HSPG2: variants seen among roughly 807,000 people sequenced by gnomAD.
The protein encoded by HSPG2 is basement membrane-specific heparan sulfate proteoglycan core protein.
A neutral mutation model predicts 526.6 loss-of-function variants in HSPG2; 278 were observed. That is an observed-to-expected ratio of 0.53 (90% CI 0.48 to 0.58). The LOEUF (loss-of-function observed/expected upper bound fraction) is 0.58, where lower values mean the gene tolerates loss of function less well. Among genes scored for constraint, HSPG2 ranks in the 20% least tolerant of loss-of-function variants. The pLI is 0.00. For missense variants in HSPG2, 5,354 were observed against 6,099.5 expected (o/e 0.88, Z 4.07); for synonymous variants, 2,465 against 2,555.4 (o/e 0.96, Z 1.07).
At chr1:21,834,059 A>T in intron 77 of HSPG2, 134 bp from the exon 78 acceptor site, 1 of 741,426 alleles carries the variant, frequency 1.3e-6, no homozygotes, top group East Asian at 2.7e-5. Flanking sequence ...AGATGAGGAA[A>T]TTATGGCTCA....
chr1:21,865,732 G>A lies in HSPG2; in HGVS notation c.4299C>T (p.Pro1433=), dbSNP rs768475262. The A allele has an allele frequency of 2.5e-5, 40 of 1,613,394 alleles. No homozygotes were observed. The highest frequency in any genetic ancestry group is 2.4e-4 in the East Asian group (11 of 44,898). Residue 1433 remains proline (P), a synonymous_variant, in exon 34 of 97, where the codon CCC becomes CCT. Transcript: ENST00000374695. The surrounding 1 kb of genome is among the most constrained non-coding windows in gnomAD (Gnocchi z 5.4). ...AAATGCTCACCGTGATCTGCACATC[G>A]GGGTCAGAGAGTGGGCTGCCCTGTG... ...AGPQGSPLSD[P]DVQITGNNIM... is the part of the protein sequence containing the mutation.
chr1:21,833,812 T>C lies in HSPG2; in HGVS notation c.10830+4A>G. 6.3e-7 allele frequency: 1 copy of C among 1,585,596 alleles called. No homozygotes were observed. The highest frequency in any genetic ancestry group is 1.1e-5 in the South Asian group (1 of 87,108). On this transcript the variant is annotated splice_donor_region_variant and intron_variant, in intron 78 of 96. Transcript: ENST00000374695. ...TGCCCGCTGGTTCCCTCTCCAGCAC[T>C]TACCTTGCTCCAGCTGATGTCAGGA...
chr1:21,828,026 G>A lies in HSPG2; in HGVS notation c.12532+4C>T, dbSNP rs762689360. On this transcript the variant is annotated splice_donor_region_variant and intron_variant, in intron 90 of 96. Coordinates refer to ENST00000374695, the MANE Select transcript of HSPG2 (RefSeq NM_005529.7). This position sits in a 1 kb window ranked among gnomAD's most constrained non-coding sequence, Gnocchi z 6.0. ...TGAAGTGGAGAGAAGCCAGGCCTGGGTACCTTGTTGGCAGCGTGGGCCAGA... is the reference window on the plus strand; with the variant it reads ...TGAAGTGGAGAGAAGCCAGGCCTGGATACCTTGTTGGCAGCGTGGGCCAGA... 1 of 1,613,628 alleles carries A rather than the reference G, an allele frequency of 6.2e-7. No individual in the cohort carries two copies. Among genetic ancestry groups the A allele is most frequent in the Non-Finnish European group, 8.5e-7 (1 of 1,179,988 alleles).
intron 74 of HSPG2, 136 bp from the exon 75 acceptor site, chr1:21,837,142 A>G: frequency 1.2e-6 from 1 of 805,796 alleles, no homozygotes; most frequent in South Asian, 1.5e-5. Context: ...GGGAAAAAAG[A>G]CCGTTCAGTG....
At chr1:21,905,085 T>C (rs1298917399) in intron 1 of HSPG2, among the ~76,000 whole-genome samples, 2 of 152,022 alleles carry the variant, frequency 1.3e-5, no homozygotes, top group African/African-American at 4.8e-5. Context: ...CCACGACTCC[T>C]GACTCACCAA....
At chr1:21,854,552 C>T (rs1050394175) in intron 49 of HSPG2, 59 bp downstream of exon 49, 30 of 1,514,342 alleles carry the variant, frequency 2.0e-5, no homozygotes, top group African/African-American at 8.3e-5. Flanking sequence ...GTACAGGCCC[C>T]GCCTCCGCCA....
rs374249479 is a variant in HSPG2 at position 21,831,263 on chromosome 1, C to G, written c.11514G>C (p.Thr3838=). The G allele has an allele frequency of 5.6e-6, 9 of 1,613,876 alleles. No individual in the cohort carries two copies. Among genetic ancestry groups the G allele is most frequent in the Non-Finnish European group, 7.6e-6 (9 of 1,179,986 alleles). ...TGGGGCAGTGGGAGATGCCGTGCGCCGTGAGGTTGAGGTCATGGAAGACGA... is the reference window on the plus strand; with the variant it reads ...TGGGGCAGTGGGAGATGCCGTGCGCGGTGAGGTTGAGGTCATGGAAGACGA... ...EEIVFHDLNL[T]AHGISHCPTC... The change falls in exon 84 of 97, where the codon ACG becomes ACC. Residue 3838 remains threonine (T), a synonymous_variant. Transcript: ENST00000374695.
In HSPG2 at chr1:21,898,153, G is replaced by A. The variant is rs1339332257; in HGVS notation, c.64-1843C>T. 6.6e-6 allele frequency among the ~76,000 whole-genome samples: 1 copy of A among 152,178 alleles called. No homozygotes were observed. The highest frequency in any genetic ancestry group is 1.5e-5 in the Non-Finnish European group (1 of 68,044). On this transcript the variant is annotated intron_variant, in intron 1 of 96. Coordinates refer to ENST00000374695, the MANE Select transcript of HSPG2 (RefSeq NM_005529.7). The surrounding 1 kb of genome is among the most constrained non-coding windows in gnomAD (Gnocchi z 4.0). ...TGTGAAGATGACTTGCTTTGGGGAG[G>A]CACTACCTACCTCTGTGCAATCTAT... is the stretch of plus-strand genomic sequence containing the variant.
At chr1:21,884,456 TC>T (rs1641725500) in intron 13 of HSPG2, 71 bp downstream of exon 13, 1 of 1,590,340 alleles carries the variant, frequency 6.3e-7, no homozygotes, top group East Asian at 2.2e-5. Flanking sequence ...TCCGCATCTA[TC>T]CTCTGTGCCC....
intron 80 of HSPG2, 80 bp from the exon 81 acceptor site, chr1:21,832,686 C>T: frequency 1.9e-6 from 2 of 1,043,198 alleles, no homozygotes; most frequent in South Asian, 1.3e-5. Flanking sequence ...ACCACCCAAG[C>T]TCTTGAGCCT....
In HSPG2 at chr1:21,865,842, G is replaced by C. The variant is rs763160914; in HGVS notation, c.4222-33C>G. Reference sequence around the variant, plus strand: ...GAGGCAAGCCCAGAGGTCACAGGCTGACCTTGGGGTGTGAGTGTTGGACCA... The same window carrying C: ...GAGGCAAGCCCAGAGGTCACAGGCTCACCTTGGGGTGTGAGTGTTGGACCA... On this transcript the variant is annotated intron_variant, in intron 33 of 96. Coordinates refer to ENST00000374695, the MANE Select transcript of HSPG2 (RefSeq NM_005529.7). This position sits in a 1 kb window ranked among gnomAD's most constrained non-coding sequence, Gnocchi z 5.4. 3.2e-6 allele frequency: 5 copies of C among 1,549,486 alleles called. No homozygotes were observed. Among genetic ancestry groups the C allele is most frequent in the Non-Finnish European group, 4.5e-6 (5 of 1,122,260 alleles).
At chr1:21,888,331 C>T (rs1223448073) in intron 6 of HSPG2, among the ~76,000 whole-genome samples, 1 of 152,254 alleles carries the variant, frequency 6.6e-6, no homozygotes, top group East Asian at 1.9e-4. Context: ...CCACACCACA[C>T]ACATGCAGGC....
chr1:21,830,950 G>A (rs2098001150), intron 85 of HSPG2, 32 bp downstream of exon 85: 3 of 1,455,022 alleles, frequency 2.1e-6, no homozygotes, highest in South Asian at 1.2e-5. Context: ...GCAGGCCCTG[G>A]GGCGACAGCG....
intron 1 of HSPG2, among the ~76,000 whole-genome samples, chr1:21,911,047 G>A (rs1262354041): frequency 6.6e-6 from 1 of 152,184 alleles, no homozygotes; most frequent in Non-Finnish European, 1.5e-5. Context: ...ACTGGGTGGG[G>A]AGCCAGGAGC....
intron 28 of HSPG2, 84 bp downstream of exon 28, chr1:21,874,322 C>T: frequency 6.4e-7 from 1 of 1,566,386 alleles, no homozygotes. Flanking sequence ...CACTGCCTCT[C>T]AGAAGGGCCC....
intron 1 of HSPG2, among the ~76,000 whole-genome samples, chr1:21,919,909 C>A (rs1038502379): frequency 2.6e-5 from 4 of 152,040 alleles, no homozygotes; most frequent in African/African-American, 4.8e-5. Flanking sequence ...GGGACTGGAA[C>A]TGTTTTTTCT....
Position 21,872,206 on chromosome 1 carries a change from C to A in HSPG2, c.4201G>T (p.Glu1401Ter). The A allele has an allele frequency of 9.7e-6, 15 of 1,551,818 alleles. No individual in the cohort carries two copies. Among genetic ancestry groups the A allele is most frequent in the Non-Finnish European group, 1.3e-5 (15 of 1,147,066 alleles). ...GHESFYWQLPETYQGDKVAAY... is the reference protein window; with the variant it reads ...GHESFYWQLP ...CCCACCTTGTCTCCCTGGTATGTCTCCGGCAGCTGCCAGTAGAAGGACTCA... is the reference window on the plus strand; with the variant it reads ...CCCACCTTGTCTCCCTGGTATGTCTACGGCAGCTGCCAGTAGAAGGACTCA... The change falls in exon 33 of 97, where the codon GAG becomes TAG. Residue 1401 changes from glutamate (E) to a stop codon, truncating the protein, a stop_gained. Coordinates refer to ENST00000374695, the MANE Select transcript of HSPG2 (RefSeq NM_005529.7). LOFTEE classifies it high-confidence loss of function. The surrounding 1 kb of genome is among the most constrained non-coding windows in gnomAD (Gnocchi z 5.5).
Position 21,859,562 on chromosome 1 carries a change from T to A in HSPG2, c.5293+4A>T. On this transcript the variant is annotated splice_donor_region_variant and intron_variant, in intron 42 of 96. Coordinates refer to ENST00000374695, the MANE Select transcript of HSPG2 (RefSeq NM_005529.7). This position sits in a 1 kb window ranked among gnomAD's most constrained non-coding sequence, Gnocchi z 5.3. Reference sequence around the variant, plus strand: ...TCTTGGTTACAGGGGGCGTAGGGACTCACCAGTGACCAGCAGCTCTGCCCG... The same window carrying A: ...TCTTGGTTACAGGGGGCGTAGGGACACACCAGTGACCAGCAGCTCTGCCCG... 1 of 1,583,192 alleles carries A rather than the reference T, an allele frequency of 6.3e-7. No homozygotes were observed. The highest frequency in any genetic ancestry group is 2.3e-5 in the East Asian group (1 of 43,738).
At chr1:21,856,932 C>T (rs1639383467) in intron 44 of HSPG2, 83 bp downstream of exon 44, 3 of 1,412,888 alleles carry the variant, frequency 2.1e-6, no homozygotes, top group Non-Finnish European at 3.0e-6. Flanking sequence ...AAATGATCAG[C>T]AGAATGAAGA....
Sources: allele counts gnomAD v4.1 joint callset (sites outside exome capture counted in the v4.1 genomes callset), GRCh38; gene constraint gnomAD v4.1.1; non-coding constraint Gnocchi (gnomAD v3.1); transcripts MANE v1.5; gene names NCBI Gene and HGNC (gene_info 2026-07-23, HGNC 2026-07-21).